TPST1: variants seen among roughly 807,000 people sequenced by gnomAD.
TPST1 encodes tyrosylprotein sulfotransferase 1.
In TPST1, 20 loss-of-function variants were observed where a neutral mutation model predicts 34.8. The ratio of observed to expected loss-of-function variants is 0.57; its 90% confidence interval spans 0.40 to 0.84. The LOEUF (loss-of-function observed/expected upper bound fraction) is 0.84. TPST1 is among the 40% of genes least tolerant of loss of function. TPST1 has a pLI of 0.00. For missense variants in TPST1, 353 were observed against 455.5 expected (o/e 0.78, Z 2.05); for synonymous variants, 152 against 159.4 (o/e 0.95, Z 0.35).
chr7:66,334,198 C>T (rs917015200), intron 3 of TPST1, among the ~76,000 whole-genome samples: 2 of 152,024 alleles, frequency 1.3e-5, no homozygotes, highest in African/African-American at 4.8e-5. Context: ...TCTCTATACC[C>T]CACCTCCCCC....
At chr7:66,225,727 T>C (rs1012003559) in intron 1 of TPST1, among the ~76,000 whole-genome samples, 14 of 152,248 alleles carry the variant, frequency 9.2e-5, no homozygotes, top group African/African-American at 2.9e-4. Context: ...ATAAGGGTAA[T>C]GATCAGGCCA....
intron 2 of TPST1, among the ~76,000 whole-genome samples, chr7:66,275,594 CATT>C (rs540671378): frequency 1.4e-3 from 211 of 152,240 alleles, no homozygotes; most frequent in African/African-American, 4.9e-3. Context: ...ACCTGTAGAA[CATT>C]ATTGTAAATG....
chr7:66,263,176 G>T (rs1328377012), intron 2 of TPST1, among the ~76,000 whole-genome samples: 2 of 151,878 alleles, frequency 1.3e-5, no homozygotes, highest in Non-Finnish European at 2.9e-5. Flanking sequence ...AAGGGAAAAA[G>T]AATATTTTAG....
At chr7:66,268,729 CT>C (rs1790639801) in intron 2 of TPST1, among the ~76,000 whole-genome samples, 1 of 150,948 alleles carries the variant, frequency 6.6e-6, no homozygotes, top group Non-Finnish European at 1.5e-5. Flanking sequence ...GAGACAGAAT[CT>C]TACTCTGTTG....
intron 3 of TPST1, among the ~76,000 whole-genome samples, chr7:66,294,082 A>G (rs1791142739): frequency 6.6e-6 from 1 of 152,202 alleles, no homozygotes; most frequent in South Asian, 2.1e-4. Context: ...ATTCAGTGGC[A>G]TTAAATACAT....
At chr7:66,340,152 A>G (rs557699313) in intron 3 of TPST1, among the ~76,000 whole-genome samples, 1 of 152,224 alleles carries the variant, frequency 6.6e-6, no homozygotes, top group Non-Finnish European at 1.5e-5. Flanking sequence ...CCTGGCCCAC[A>G]TGGTGAAACC....
intron 3 of TPST1, among the ~76,000 whole-genome samples, chr7:66,314,393 T>C (rs762380958): frequency 6.6e-6 from 1 of 152,166 alleles, no homozygotes; most frequent in Non-Finnish European, 1.5e-5. Context: ...CATGTGCCTC[T>C]TGTCCCAGCT....
intron 2 of TPST1, among the ~76,000 whole-genome samples, chr7:66,257,058 T>G (rs529637578): frequency 6.6e-6 from 1 of 152,274 alleles, no homozygotes; most frequent in African/African-American, 2.4e-5. Flanking sequence ...GTGATCCTCC[T>G]GCCCCAGCCT....
intron 1 of TPST1, among the ~76,000 whole-genome samples, chr7:66,235,804 T>A (rs1275360608): frequency 1.3e-5 from 2 of 152,136 alleles, no homozygotes; most frequent in East Asian, 3.9e-4. Context: ...AGAAGTACAT[T>A]GGTTCCGTTT....
intron 1 of TPST1, chr7:66,221,572 A>T (rs1488717083): frequency 6.6e-6 from 1 of 152,186 alleles, no homozygotes; most frequent in Non-Finnish European, 1.5e-5. Context: ...TGAGATTGGG[A>T]TAGAAGTCTT....
At chr7:66,359,010 G>A (rs114120511) in intron 5 of TPST1, 10 of 152,286 alleles carry the variant, frequency 6.6e-5, no homozygotes, top group African/African-American at 2.4e-4. Context: ...CTTATCTTTT[G>A]GGTCCCTTTG....
intron 2 of TPST1, among the ~76,000 whole-genome samples, chr7:66,272,517 A>C (rs139534387): frequency 5.3e-5 from 8 of 152,218 alleles, no homozygotes; most frequent in African/African-American, 1.9e-4. Context: ...CATCATCCTC[A>C]GTGGTGAAAA....
At chr7:66,284,861 CTCTATT>C (rs888067163) in intron 2 of TPST1, among the ~76,000 whole-genome samples, 14 of 152,220 alleles carry the variant, frequency 9.2e-5, no homozygotes, top group South Asian at 4.2e-4. Context: ...TTTGTCTCAT[CTCTATT>C]TCTAATTCAT....
At chr7:66,314,331 T>G (rs1291564258) in intron 3 of TPST1, among the ~76,000 whole-genome samples, 1 of 152,154 alleles carries the variant, frequency 6.6e-6, no homozygotes, top group Non-Finnish European at 1.5e-5. Flanking sequence ...GCCCAGGAAC[T>G]CAAGACCAGC....
intron 3 of TPST1, among the ~76,000 whole-genome samples, chr7:66,336,407 A>C: frequency 6.6e-6 from 1 of 152,218 alleles, no homozygotes; most frequent in East Asian, 1.9e-4. Flanking sequence ...GAAATTTGAC[A>C]AAGAAATAGA....
chr7:66,302,204 T>C (rs749572630), intron 3 of TPST1, among the ~76,000 whole-genome samples: 1 of 152,232 alleles, frequency 6.6e-6, no homozygotes, highest in Admixed American at 6.5e-5. Flanking sequence ...GTAGCTTTAA[T>C]TGATTTCAGT....
At chr7:66,265,377 C>T (rs932550943) in intron 2 of TPST1, among the ~76,000 whole-genome samples, 1 of 152,058 alleles carries the variant, frequency 6.6e-6, no homozygotes, top group African/African-American at 2.4e-5. Flanking sequence ...GCGTGAAACC[C>T]TGTCTCTACA....
chr7:66,245,067 G>T lies in TPST1; in HGVS notation c.845+3797G>T, dbSNP rs1790119795. The stretch of plus-strand genomic sequence containing the variant: ...GTGAAAATAATGTAAAAAGGTTTTT[G>T]GAAATGGAGACATTTTTGAGGAAGT... On this transcript the variant is annotated intron_variant, in intron 2 of 5. Transcript: ENST00000304842. Among the ~76,000 whole-genome samples, 3 of 152,090 alleles carry T rather than the reference G, an allele frequency of 2.0e-5. No individual in the cohort carries two copies. In the South Asian group the frequency reaches 6.2e-4, roughly 32 times the overall value.
At chr7:66,208,568 G>C (rs777776229) in intron 1 of TPST1, among the ~76,000 whole-genome samples, 11 of 151,958 alleles carry the variant, frequency 7.2e-5, no homozygotes, top group Non-Finnish European at 1.3e-4. Flanking sequence ...TCCAGGGTTT[G>C]AGTGATTCTC....
Sources: gnomAD v4.1 joint callset for allele counts (sites outside exome capture counted in the v4.1 genomes callset) on GRCh38, gnomAD v4.1.1 for gene constraint, MANE v1.5 for transcripts, NCBI Gene and HGNC (gene_info 2026-07-23, HGNC 2026-07-21) for gene names.